The following ANKAR variants were observed in gnomAD, a reference collection of about 807,000 sequenced individuals.
ANKAR encodes the protein ankyrin and armadillo repeat containing, also known as ankyrin and armadillo repeat-containing protein.
In ANKAR, 136 loss-of-function variants were observed where a neutral mutation model predicts 146.2. The observed-to-expected ratio is 0.93, with a 90% CI of 0.81 to 1.07. The LOEUF is 1.07. Ranked by LOEUF, ANKAR falls within the 50% of genes least tolerant of loss-of-function variation. The pLI is 0.00. For synonymous variants in ANKAR, 500 were observed against 575.8 expected (o/e 0.87, Z 1.88); for missense variants, 1,567 against 1,679.9 (o/e 0.93, Z 1.18).
chr2:189,700,424 ATAG>A (rs2037896996), intron 7 of ANKAR, among the ~76,000 whole-genome samples: 1 of 152,194 alleles, frequency 6.6e-6, no homozygotes, highest in African/African-American at 2.4e-5. Context: ...CTGTGTGTAC[ATAG>A]TAGGCATATA....
intron 10 of ANKAR, among the ~76,000 whole-genome samples, chr2:189,712,732 C>T (rs1324233794): frequency 6.6e-6 from 1 of 152,190 alleles, no homozygotes; most frequent in Non-Finnish European, 1.5e-5. Flanking sequence ...AGGATTACAG[C>T]TCCTTGCCAG....
chr2:189,676,191 G>A (rs1446910572), intron 1 of ANKAR, among the ~76,000 whole-genome samples: 1 of 152,084 alleles, frequency 6.6e-6, no homozygotes, highest in Non-Finnish European at 1.5e-5. Context: ...TAAACTTAAC[G>A]TTTCTTTTTG....
intron 21 of ANKAR, 103 bp from the exon 22 acceptor site, chr2:189,744,639 G>A: frequency 1.4e-6 from 1 of 715,868 alleles, no homozygotes; most frequent in South Asian, 1.8e-5. Flanking sequence ...AGGCCATTAG[G>A]CATTAAACCT....
chr2:189,677,552 T>C (rs915631989), intron 2 of ANKAR, among the ~76,000 whole-genome samples: 3 of 152,228 alleles, frequency 2.0e-5, no homozygotes, highest in Non-Finnish European at 1.5e-5. Context: ...TGGCTTGCCA[T>C]TCCTGAGTTA....
chr2:189,681,807 T>C (rs752217198), intron 2 of ANKAR, among the ~76,000 whole-genome samples: 7 of 152,190 alleles, frequency 4.6e-5, no homozygotes, highest in Non-Finnish European at 8.8e-5. Context: ...ATTTTAACAA[T>C]GTGGTGTTAT....
In ANKAR at chr2:189,730,503, C is replaced by T; in HGVS notation, c.3202C>T (p.His1068Tyr). 6.3e-7 allele frequency: 1 copy of T among 1,594,850 alleles called. No homozygotes were observed. Among genetic ancestry groups the T allele is most frequent in the South Asian group, 1.1e-5 (1 of 89,100 alleles). Reference protein sequence around the residue: ...AVGSICIGVAHTSNPVSQQLV... With the variant: ...AVGSICIGVAYTSNPVSQQLV... ...GGCGTGGACTCTTACAGGTGTAGCC[C>T]ATACAAGCAATCCTGTCAGTCAACA... is the stretch of plus-strand genomic sequence containing the variant. Residue 1068 changes from histidine (H) to tyrosine (Y), a missense_variant, in exon 16 of 23, where the codon CAT (histidine) becomes TAT (tyrosine). By Grantham distance (83) the His-to-Tyr change is moderately conservative (BLOSUM62 2). Transcript: ENST00000684021.
In ANKAR at chr2:189,692,246, T is replaced by G. The variant is rs1192537670; in HGVS notation, c.1040-9T>G. ...CTTTTTAAATAAAAATTTGTTTTCA[T>G]TTTTGGAGATGACAAGGTCAAGACA... On this transcript the variant is annotated splice_polypyrimidine_tract_variant and intron_variant, in intron 3 of 22. Coordinates refer to ENST00000684021, the MANE Select transcript of ANKAR (RefSeq NM_001378068.1). The G allele has an allele frequency of 6.3e-7, 1 of 1,585,766 alleles. No homozygotes were observed. Among genetic ancestry groups the G allele is most frequent in the Non-Finnish European group, 8.5e-7 (1 of 1,171,492 alleles).
chr2:189,718,018 A>T (rs1206431757), intron 10 of ANKAR, among the ~76,000 whole-genome samples: 1 of 152,224 alleles, frequency 6.6e-6, no homozygotes, highest in Non-Finnish European at 1.5e-5. Context: ...GCAAACCAAC[A>T]TAGCACATGT....
In ANKAR at chr2:189,689,783, G is replaced by A. The variant is rs760914730; in HGVS notation, c.858G>A (p.Gln286=). The A allele has an allele frequency of 3.1e-6, 5 of 1,609,842 alleles. No homozygotes were observed. The highest frequency in any genetic ancestry group is 4.2e-6 in the Non-Finnish European group (5 of 1,178,262). The change falls in exon 3 of 23, where the codon CAG becomes CAA. Residue 286 remains glutamine, a synonymous_variant. Coordinates refer to ENST00000684021, the MANE Select transcript of ANKAR (RefSeq NM_001378068.1). Reference sequence around the variant, plus strand: ...ATTATCTTGATATCTGTACCTACCAGAGACTACAGCAAAGATTATATCTTC... The same window carrying A: ...ATTATCTTGATATCTGTACCTACCAAAGACTACAGCAAAGATTATATCTTC... ...NQDYLDICTY[Q]RLQQRLYLQK...
chr2:189,711,951 C>A (rs181240394), intron 10 of ANKAR, among the ~76,000 whole-genome samples: 33 of 152,364 alleles, frequency 2.2e-4, no homozygotes, highest in Non-Finnish European at 4.1e-4. Flanking sequence ...TATCTCGTGC[C>A]TGGCTCGGCA....
At chr2:189,739,398 G>A (rs1032274407) in intron 19 of ANKAR, among the ~76,000 whole-genome samples, 1 of 152,076 alleles carries the variant, frequency 6.6e-6, no homozygotes, top group Non-Finnish European at 1.5e-5. Flanking sequence ...AAGTATATGT[G>A]CATGGCAAGG....
Position 189,736,524 on chromosome 2 carries a change from G to T in ANKAR, c.3424-1159G>T, listed in dbSNP as rs1343882346. Among the ~76,000 whole-genome samples the T allele has an allele frequency of 1.2e-3, 146 of 122,274 alleles. 11 individuals are homozygous for T. In the Admixed American group the frequency reaches 0.012, roughly 10 times the overall value. 80.2% of individuals were successfully genotyped at this position (122,274 alleles called of 152,430 possible). On this transcript the variant is annotated intron_variant, in intron 17 of 22. Transcript: ENST00000684021. ...GTTTTGTGTGTGTGTGTGTGTGTGT[G>T]TGTGTGTGTGTGTGTATGTGATTTT...
intron 15 of ANKAR, among the ~76,000 whole-genome samples, chr2:189,729,703 T>TGTGTGTGTGTGTGTGTGC (rs1480424151): frequency 2.0e-5 from 3 of 146,400 alleles, no homozygotes; most frequent in African/African-American, 7.4e-5. Flanking sequence ...TGCGTGTGTG[T>TGTGTGTGTGTGTGTGTGC]GTGTGTGTGT....
chr2:189,736,254 T>C (rs2042822934), intron 17 of ANKAR, among the ~76,000 whole-genome samples: 1 of 152,094 alleles, frequency 6.6e-6, no homozygotes, highest in Non-Finnish European at 1.5e-5. Flanking sequence ...ACCGCAGGAG[T>C]GAACCCTACA....
At chr2:189,680,158 C>T (rs1159990011) in intron 2 of ANKAR, among the ~76,000 whole-genome samples, 2 of 151,932 alleles carry the variant, frequency 1.3e-5, no homozygotes, top group Admixed American at 1.3e-4. Flanking sequence ...CTGTTTCTTC[C>T]TATTTAATCT....
intron 22 of ANKAR, among the ~76,000 whole-genome samples, chr2:189,746,082 T>C (rs1402447115): frequency 3.3e-5 from 5 of 152,196 alleles, no homozygotes; most frequent in Non-Finnish European, 1.5e-5. Context: ...ATCAAGTCCA[T>C]CATTTTGAGA....
chr2:189,676,410 G>T (rs984028074), intron 1 of ANKAR, 46 bp from the exon 2 acceptor site: 44 of 1,408,534 alleles, frequency 3.1e-5, no homozygotes, highest in Non-Finnish European at 4.0e-5. Context: ...AGTTTCATTG[G>T]CATGTCAGAT....
chr2:189,710,902 A>T (rs1242664561), intron 9 of ANKAR, 147 bp from the exon 10 acceptor site: 1 of 634,718 alleles, frequency 1.6e-6, no homozygotes, highest in East Asian at 2.8e-5. Context: ...GGAGCTGTGC[A>T]CAGAGGGGAA....
At chr2:189,682,870 A>G (rs779096172) in intron 2 of ANKAR, among the ~76,000 whole-genome samples, 2 of 152,198 alleles carry the variant, frequency 1.3e-5, no homozygotes, top group African/African-American at 2.4e-5. Flanking sequence ...GAGGAGTCAT[A>G]TAGAATACAC....
Sources: allele counts gnomAD v4.1 joint callset (sites outside exome capture counted in the v4.1 genomes callset), GRCh38; gene constraint gnomAD v4.1.1; transcripts MANE v1.5; gene names NCBI Gene and HGNC (gene_info 2026-07-23, HGNC 2026-07-21).